Variants in PIP4K2A observed in about 807,000 individuals in gnomAD.
The protein encoded by PIP4K2A is phosphatidylinositol-5-phosphate 4-kinase type 2 alpha, also known as phosphatidylinositol 5-phosphate 4-kinase type-2 alpha.
A neutral mutation model predicts 42.9 loss-of-function variants in PIP4K2A; 14 were observed. The ratio of observed to expected loss-of-function variants is 0.33; its 90% CI spans 0.22 to 0.51. The LOEUF (loss-of-function observed/expected upper bound fraction) is 0.51. Among genes scored for constraint, PIP4K2A ranks in the 20% least tolerant of loss-of-function variants. PIP4K2A has a pLI of 0.97. For missense variants in PIP4K2A, 434 were observed against 519.8 expected, an observed-to-expected ratio of 0.83 and a Z score of 1.61; for synonymous variants, 192 against 192.2, an observed-to-expected ratio of 1.00 and a Z score of 0.01.
At chr10:22,587,897 G>A (rs764617396) in intron 4 of PIP4K2A, among the ~76,000 whole-genome samples, 1 of 152,340 alleles carries the variant, frequency 6.6e-6, no homozygotes. Flanking sequence ...CTTCCTTCAT[G>A]AACACCTGCC....
chr10:22,614,749 C>T (rs947226178), intron 1 of PIP4K2A, among the ~76,000 whole-genome samples: 49 of 152,308 alleles, frequency 3.2e-4, no homozygotes, highest in African/African-American at 1.1e-3. Context: ...TGCAGAGCTG[C>T]TTAATAACTG....
chr10:22,587,346 G>C (rs982082691), intron 4 of PIP4K2A, among the ~76,000 whole-genome samples: 4 of 152,294 alleles, frequency 2.6e-5, no homozygotes, highest in Admixed American at 6.5e-5. Flanking sequence ...ATATGCACCT[G>C]AACGATCTGC....
chr10:22,550,888 C>T, intron 6 of PIP4K2A, 116 bp from the exon 7 acceptor site: 1 of 691,252 alleles, frequency 1.4e-6, no homozygotes, highest in South Asian at 1.7e-5. Flanking sequence ...CCACCCCGTT[C>T]ACCACCACAG....
intron 1 of PIP4K2A, among the ~76,000 whole-genome samples, chr10:22,681,203 C>A (rs1217881900): frequency 6.6e-6 from 1 of 152,182 alleles, no homozygotes; most frequent in Non-Finnish European, 1.5e-5. Context: ...TTTAAAGATT[C>A]CCAGGTGCAA....
chr10:22,600,077 TTC>T (rs968001984), intron 3 of PIP4K2A, among the ~76,000 whole-genome samples: 2 of 151,768 alleles, frequency 1.3e-5, no homozygotes, highest in African/African-American at 4.8e-5. Flanking sequence ...CGCCAATCTT[TTC>T]TCTCTCTCAT....
chr10:22,550,610 G>A (rs779587709), intron 7 of PIP4K2A, 49 bp downstream of exon 7: 2 of 1,013,720 alleles, frequency 2.0e-6, no homozygotes, highest in South Asian at 2.6e-5. Context: ...AAACCCAACA[G>A]GGCTGATATT....
At chr10:22,564,636 T>C (rs1300171544) in intron 6 of PIP4K2A, among the ~76,000 whole-genome samples, 1 of 152,244 alleles carries the variant, frequency 6.6e-6, no homozygotes, top group African/African-American at 2.4e-5. Flanking sequence ...CATGGCAGCA[T>C]GGAAGTCGAC....
intron 1 of PIP4K2A, among the ~76,000 whole-genome samples, chr10:22,635,237 G>A (rs912295242): frequency 6.6e-6 from 1 of 152,150 alleles, no homozygotes; most frequent in Admixed American, 6.5e-5. Context: ...AATGTCAACT[G>A]TGAACTGTGG....
At chr10:22,625,751 C>T (rs1405181337) in intron 1 of PIP4K2A, among the ~76,000 whole-genome samples, 1 of 152,156 alleles carries the variant, frequency 6.6e-6, no homozygotes, top group Non-Finnish European at 1.5e-5. Flanking sequence ...GGCAGGGCCA[C>T]GACAACAGCA....
chr10:22,536,624 T>A lies in PIP4K2A; in HGVS notation c.*577A>T, dbSNP rs1156689745. The stretch of plus-strand genomic sequence containing the variant: ...CGGGGTAGAAATGGAACATTCGCTG[T>A]AGGTTTTTTCCTTGGAATCATCATC... On this transcript the variant is annotated 3_prime_UTR_variant, in exon 10 of 10. Coordinates refer to ENST00000376573, the MANE Select transcript of PIP4K2A (RefSeq NM_005028.5). 1 of 149,974 alleles carries A rather than the reference T, an allele frequency of 6.7e-6. No individual in the cohort carries two copies. The highest frequency in any genetic ancestry group is 6.9e-5 in the Admixed American group (1 of 14,402). 9.3% of individuals were successfully genotyped at this position (149,974 alleles called of 1,614,324 possible). A position where few individuals can be genotyped will look rare whatever the true frequency, so the allele number is the denominator to read the frequency against.
intron 1 of PIP4K2A, among the ~76,000 whole-genome samples, chr10:22,610,061 T>A (rs1443503549): frequency 1.3e-5 from 2 of 152,240 alleles, no homozygotes; most frequent in African/African-American, 2.4e-5. Context: ...CAGGACAACT[T>A]CCTTCTGTAA....
At chr10:22,631,366 T>A (rs1195111597) in intron 1 of PIP4K2A, among the ~76,000 whole-genome samples, 1 of 152,064 alleles carries the variant, frequency 6.6e-6, no homozygotes, top group Non-Finnish European at 1.5e-5. Flanking sequence ...TTAATGTCCT[T>A]TTAAGTACAG....
At chr10:22,567,586 G>T in intron 6 of PIP4K2A, 1 of 691,426 alleles carries the variant, frequency 1.4e-6, no homozygotes, top group East Asian at 2.8e-5. Context: ...AGGTGGCTGT[G>T]TTTTTCAAGA....
intron 7 of PIP4K2A, 120 bp from the exon 8 acceptor site, chr10:22,542,167 C>T (rs1836137378): frequency 2.7e-5 from 21 of 771,738 alleles, no homozygotes; most frequent in Non-Finnish European, 1.3e-5. Context: ...GCAGAGGCGC[C>T]GGGTGCCTCC....
At chr10:22,688,287 C>G (rs1839799858) in intron 1 of PIP4K2A, among the ~76,000 whole-genome samples, 1 of 152,146 alleles carries the variant, frequency 6.6e-6, no homozygotes, top group African/African-American at 2.4e-5. Context: ...CAGGAGAGGA[C>G]AGGATTCTAT....
intron 3 of PIP4K2A, among the ~76,000 whole-genome samples, chr10:22,601,666 G>A (rs976980929): frequency 6.6e-6 from 1 of 152,182 alleles, no homozygotes; most frequent in East Asian, 1.9e-4. Context: ...GTTGGACCAA[G>A]GAGGAGTCCC....
intron 1 of PIP4K2A, among the ~76,000 whole-genome samples, chr10:22,647,990 T>C (rs535099942): frequency 2.6e-5 from 4 of 152,350 alleles, no homozygotes; most frequent in African/African-American, 9.6e-5. Flanking sequence ...ATCTCTACTT[T>C]TGTTATCTAA....
At chr10:22,690,454 A>G (rs947963933) in intron 1 of PIP4K2A, among the ~76,000 whole-genome samples, 9 of 152,234 alleles carry the variant, frequency 5.9e-5, no homozygotes, top group Non-Finnish European at 1.0e-4. Context: ...TTTTAAGATT[A>G]TTTGCCATCT....
chr10:22,664,091 A>ATATATATATATACATATATATATACG lies in PIP4K2A; in HGVS notation c.144+50091_144+50092insCGTATATATATATGTATATATATATA, dbSNP rs1564459884. Among the ~76,000 whole-genome samples the ATATATATATATACATATATATATACG allele has an allele frequency of 4.5e-5, 3 of 67,150 alleles. No homozygotes were observed. In the East Asian group the frequency reaches 9.2e-4, roughly 21 times the overall value. 44.1% of individuals were successfully genotyped at this position (67,150 alleles called of 152,430 possible). A position where few individuals can be genotyped will look rare whatever the true frequency, so the allele number is the denominator to read the frequency against. On this transcript the variant is annotated intron_variant, in intron 1 of 9. Transcript: ENST00000376573. Reference sequence around the variant, plus strand: ...TATATATATACGTATATATATATACATATATATATATACATATATATATAC... The same window carrying ATATATATATATACATATATATATACG: ...TATATATATACGTATATATATATACATATATATATATACATATATATATACGTATATATATATACATATATATATAC...
Sources: gnomAD v4.1 joint callset for allele counts (sites outside exome capture counted in the v4.1 genomes callset) on GRCh38, gnomAD v4.1.1 for gene constraint, MANE v1.5 for transcripts, NCBI Gene and HGNC (gene_info 2026-07-23, HGNC 2026-07-21) for gene names.